Variants in RGS5 observed in about 807,000 individuals in gnomAD.
RGS5 encodes regulator of G protein signaling 5, also known as regulator of G-protein signalling 5.
Under a neutral mutation model 18.9 loss-of-function variants are expected in RGS5, and 20 were observed. The observed-to-expected ratio is 1.06, with a 90% CI of 0.74 to 1.54. The LOEUF is 1.54. Among genes scored for constraint, RGS5 ranks in the 40% most tolerant of loss-of-function variants. The pLI, the probability that RGS5 is intolerant of heterozygous loss-of-function variation, is 0.00. For synonymous variants in RGS5, 57 were observed against 76.2 expected (o/e 0.75, Z 1.31); for missense variants, 201 against 211.8 (o/e 0.95, Z 0.32).
intron 2 of RGS5, among the ~76,000 whole-genome samples, chr1:163,222,751 A>G (rs1220692397): frequency 6.6e-6 from 1 of 152,220 alleles, no homozygotes; most frequent in African/African-American, 2.4e-5. Flanking sequence ...GGTTAAAGAC[A>G]GGGGTTCTTT....
At chr1:163,232,082 T>C (rs528016658) in intron 2 of RGS5, among the ~76,000 whole-genome samples, 1 of 152,266 alleles carries the variant, frequency 6.6e-6, no homozygotes, top group South Asian at 2.1e-4. Flanking sequence ...CTCCATTGCT[T>C]TGTTTTGTTT....
chr1:163,167,848 A>G (rs1378939392), intron 2 of RGS5, among the ~76,000 whole-genome samples: 1 of 152,142 alleles, frequency 6.6e-6, no homozygotes, highest in Non-Finnish European at 1.5e-5. Flanking sequence ...CTGAGGAAGC[A>G]GCTTTAGATA....
At chr1:163,171,370 T>C (rs1385608966) in intron 1 of RGS5, among the ~76,000 whole-genome samples, 1 of 152,146 alleles carries the variant, frequency 6.6e-6, no homozygotes, top group Non-Finnish European at 1.5e-5. Flanking sequence ...CCATAATCCA[T>C]ATCCTCCTGG....
At chr1:163,226,156 G>A (rs966010920) in intron 2 of RGS5, among the ~76,000 whole-genome samples, 1 of 150,330 alleles carries the variant, frequency 6.7e-6, no homozygotes, top group Non-Finnish European at 1.5e-5. Context: ...CCAACCTCAG[G>A]TGATCCGCCC....
chr1:163,168,471 C>A (rs1230059436), intron 1 of RGS5, 103 bp from the exon 2 acceptor site: 1 of 800,452 alleles, frequency 1.2e-6, no homozygotes, highest in South Asian at 1.7e-5. Context: ...AACAAAATCC[C>A]ATTTCACTTT....
At chr1:163,301,982 T>C (rs1392693388) in intron 2 of RGS5, among the ~76,000 whole-genome samples, 1 of 147,778 alleles carries the variant, frequency 6.8e-6, no homozygotes, top group Non-Finnish European at 1.5e-5. Flanking sequence ...TTTCCAAATA[T>C]TGGCTTCTTA....
At chr1:163,293,957 C>G (rs1360461754) in intron 2 of RGS5, among the ~76,000 whole-genome samples, 1 of 152,180 alleles carries the variant, frequency 6.6e-6, no homozygotes, top group Non-Finnish European at 1.5e-5. Flanking sequence ...CACAGTGATA[C>G]AAGGAGTGGC....
At chr1:163,306,608 A>G (rs986855524) in intron 1 of RGS5, among the ~76,000 whole-genome samples, 22 of 152,182 alleles carry the variant, frequency 1.4e-4, no homozygotes, top group African/African-American at 5.1e-4. Flanking sequence ...CCAATCCCAA[A>G]TACTTCAGAA....
At chr1:163,202,936 G>A, upstream of RGS5, 1 of 1,092,894 alleles carries the variant, frequency 9.2e-7, no homozygotes, top group Non-Finnish European at 1.4e-6. Context: ...TTCCTCCTGA[G>A]GTATATATAG....
chr1:163,171,775 T>C (rs1421284165), intron 1 of RGS5, among the ~76,000 whole-genome samples: 2 of 152,258 alleles, frequency 1.3e-5, no homozygotes, highest in Non-Finnish European at 2.9e-5. Flanking sequence ...TCATGTTTAC[T>C]GTGTCAGGCA....
chr1:163,299,023 C>T (rs1649491739), intron 2 of RGS5, among the ~76,000 whole-genome samples: 1 of 152,170 alleles, frequency 6.6e-6, no homozygotes, highest in Non-Finnish European at 1.5e-5. Flanking sequence ...TCTCACAGCC[C>T]TGCCTCTTAA....
chr1:163,205,435 T>G (rs1451500234), upstream of RGS5, among the ~76,000 whole-genome samples: 1 of 150,170 alleles, frequency 6.7e-6, no homozygotes, highest in Non-Finnish European at 1.5e-5. Context: ...TTTTAAAATC[T>G]CCTTTCCCTC....
chr1:163,183,767 C>T (rs1658954644), intron 1 of RGS5, among the ~76,000 whole-genome samples: 1 of 152,094 alleles, frequency 6.6e-6, no homozygotes, highest in Middle Eastern at 3.2e-3. Flanking sequence ...GATAGCTTCT[C>T]CCTGAGGGAG....
intron 2 of RGS5, among the ~76,000 whole-genome samples, chr1:163,228,899 C>A (rs904798352): frequency 6.6e-6 from 1 of 152,334 alleles, no homozygotes; most frequent in Admixed American, 6.5e-5. Context: ...TCCTCATTTC[C>A]ATGTGAGACC....
At chr1:163,154,416 T>C (rs1657506684) in intron 3 of RGS5, among the ~76,000 whole-genome samples, 1 of 152,144 alleles carries the variant, frequency 6.6e-6, no homozygotes, top group South Asian at 2.1e-4. Context: ...AGGGTCACCA[T>C]CAATTTCAGG....
rs149311502 is a variant in RGS5 at position 163,312,979 on chromosome 1, C to A, written c.-377-6650G>T. Among the ~76,000 whole-genome samples the A allele has an allele frequency of 4.6e-5, 7 of 152,230 alleles. No individual in the cohort carries two copies. The East Asian group carries it at 9.7e-4, about 21-fold the overall frequency. On this transcript the variant is annotated intron_variant, in intron 1 of 5. Coordinates refer to the RGS5 transcript ENST00000618415. Reference sequence around the variant, plus strand: ...CTTCTACTTTCTACTTAGCTAATCACCTGCATGGTTTACCATTCTACTTTC... The same window carrying A: ...CTTCTACTTTCTACTTAGCTAATCAACTGCATGGTTTACCATTCTACTTTC...
At chr1:163,260,404 A>T (rs1023179346) in intron 2 of RGS5, 11 of 152,210 alleles carry the variant, frequency 7.2e-5, no homozygotes, top group Admixed American at 5.9e-4. Context: ...CAGTCAATTC[A>T]GTTCCACAGT....
At chr1:163,186,993 T>G (rs1267629209) in intron 1 of RGS5, among the ~76,000 whole-genome samples, 1 of 152,234 alleles carries the variant, frequency 6.6e-6, no homozygotes, top group African/African-American at 2.4e-5. Context: ...GTCAACTGGC[T>G]TTGTTATTCT....
chr1:163,184,806 A>C (rs549850092), intron 1 of RGS5, among the ~76,000 whole-genome samples: 42 of 152,256 alleles, frequency 2.8e-4, no homozygotes, highest in African/African-American at 7.0e-4. Flanking sequence ...AATTTCCCCC[A>C]GAACCTCCAG....
Sources: allele counts gnomAD v4.1 joint callset (sites outside exome capture counted in the v4.1 genomes callset), GRCh38; gene constraint gnomAD v4.1.1; transcripts MANE v1.5; gene names NCBI Gene and HGNC (gene_info 2026-07-23, HGNC 2026-07-21).